TASL: variants seen among roughly 807,000 people sequenced by gnomAD.
TASL encodes TLR adapter interacting with SLC15A4 on the lysosome.
In TASL, 6 loss-of-function variants were observed where a neutral mutation model predicts 12.9. That is an observed-to-expected ratio of 0.46 (90% CI 0.25 to 0.92). TASL has a LOEUF of 0.92. Among genes scored for constraint, TASL ranks in the 40% least tolerant of loss-of-function variants. The pLI, the probability that TASL is intolerant of heterozygous loss-of-function variation, is 0.17. For synonymous variants in TASL, 85 were observed against 79.3 expected, an observed-to-expected ratio of 1.07 and a Z score of -0.38; for missense variants, 165 against 212.8, an observed-to-expected ratio of 0.78 and a Z score of 1.40.
At chrX:30,568,335 G>A (rs1387713842) in intron 2 of TASL, among the ~76,000 whole-genome samples, 2 of 111,515 alleles carry the variant, frequency 1.8e-5, no homozygotes, top group Non-Finnish European at 3.8e-5. Context: ...TATTCTAAGG[G>A]TGAAGAAGAG....
intron 2 of TASL, among the ~76,000 whole-genome samples, chrX:30,563,433 A>C (rs1930456597): frequency 8.9e-6 from 1 of 112,537 alleles, no homozygotes; most frequent in African/African-American, 3.2e-5. Context: ...GCGAAGAGCC[A>C]ATCTGACTTA....
At chrX:30,569,974 C>T (rs1225810841) in intron 2 of TASL, among the ~76,000 whole-genome samples, 6 of 108,385 alleles carry the variant, frequency 5.5e-5, no homozygotes, top group East Asian at 2.9e-4. Flanking sequence ...GCCCAGATAG[C>T]GCCACTGCAC....
At chrX:30,574,651 A>G (rs1930681928) in intron 2 of TASL, among the ~76,000 whole-genome samples, 1 of 112,121 alleles carries the variant, frequency 8.9e-6, no homozygotes, top group South Asian at 3.7e-4. Context: ...ACAGACAGGA[A>G]AACATTTGTG....
chrX:30,559,858 C>T lies in TASL; in HGVS notation c.498G>A (p.Glu166=). The T allele has an allele frequency of 1.7e-6, 2 of 1,211,343 alleles. No individual in the cohort carries two copies. The highest frequency in any genetic ancestry group is 2.2e-6 in the Non-Finnish European group (2 of 895,324). Residue 166 remains glutamate, a synonymous_variant, in exon 3 of 3, where the codon GAG becomes GAA. Coordinates refer to ENST00000378962, the MANE Select transcript of TASL (RefSeq NM_025159.3). ...CACTGGGCTGAGTAGAAATGGAATC[C>T]TCCATGGGTAAAGGAATCTCAGATG... ...LKSSEIPLPM[E]DSISTQPSDF...
chrX:30,559,837 G>A lies in TASL; in HGVS notation c.519C>T (p.Pro173=), dbSNP rs1317187850. The A allele has an allele frequency of 1.7e-6, 2 of 1,208,968 alleles. No individual in the cohort carries two copies. Among genetic ancestry groups the A allele is most frequent in the African/African-American group, 3.5e-5 (2 of 57,112 alleles). ...GGATAGGTTTTTGGGGAAAGTCACT[G>A]GGCTGAGTAGAAATGGAATCCTCCA... ...LPMEDSISTQ[P]SDFPQKPIQR... The change falls in exon 3 of 3, where the codon CCC becomes CCT. Residue 173 remains proline (P), a synonymous_variant. Coordinates refer to ENST00000378962, the MANE Select transcript of TASL (RefSeq NM_025159.3).
Position 30,559,430 on chromosome X carries a change from C to G in TASL, c.*20G>C. The G allele has an allele frequency of 9.1e-7, 1 of 1,096,211 alleles. No individual in the cohort carries two copies. Among genetic ancestry groups the G allele is most frequent in the Non-Finnish European group, 1.2e-6 (1 of 815,742 alleles). 90.3% of individuals were successfully genotyped at this position (1,096,211 alleles called of 1,213,427 possible). A position where few individuals can be genotyped will look rare whatever the true frequency, so the allele number is the denominator to read the frequency against. On this transcript the variant is annotated 3_prime_UTR_variant, in exon 3 of 3. Transcript: ENST00000378962. ...GCTTCATGTTTAAGTAAATGCGAGA[C>G]AGTAATGGAAGCATCCTCTCTATGG...
At chrX:30,571,211 G>T (rs866304465) in intron 2 of TASL, among the ~76,000 whole-genome samples, 1 of 63,805 alleles carries the variant, frequency 1.6e-5, no homozygotes, top group Non-Finnish European at 2.9e-5. Flanking sequence ...AAAGAAAGAA[G>T]GAAAGAAGGA....
chrX:30,572,192 C>T (rs1930637745), intron 2 of TASL, among the ~76,000 whole-genome samples: 1 of 111,829 alleles, frequency 8.9e-6, no homozygotes, highest in Non-Finnish European at 1.9e-5. Context: ...AAATTCACAA[C>T]TTAGAAATAT....
At chrX:30,569,454 G>A (rs1274189709) in intron 2 of TASL, among the ~76,000 whole-genome samples, 1 of 111,782 alleles carries the variant, frequency 8.9e-6, no homozygotes, top group Non-Finnish European at 1.9e-5. Context: ...CCTGACAAGA[G>A]ATAGACTGTC....
At chrX:30,563,569 T>A (rs756925247) in intron 2 of TASL, among the ~76,000 whole-genome samples, 13 of 111,746 alleles carry the variant, frequency 1.2e-4, no homozygotes, top group African/African-American at 4.2e-4. Context: ...CCAGATCATC[T>A]TTCACACCTG....
At chrX:30,564,192 C>A (rs945913465) in intron 2 of TASL, among the ~76,000 whole-genome samples, 1 of 111,058 alleles carries the variant, frequency 9.0e-6, no homozygotes, top group Non-Finnish European at 1.9e-5. Context: ...AATTTTAAAC[C>A]TCAATGGAAG....
At chrX:30,567,278 G>GAAAA (rs5901953) in intron 2 of TASL, among the ~76,000 whole-genome samples, 3 of 85,242 alleles carry the variant, frequency 3.5e-5, no homozygotes, top group Admixed American at 1.3e-4. Flanking sequence ...CATGTCTCAA[G>GAAAA]AAAAAAAAAA....
At chrX:30,564,021 C>T (rs180903458) in intron 2 of TASL, among the ~76,000 whole-genome samples, 407 of 111,344 alleles carry the variant, frequency 3.7e-3, no homozygotes, top group African/African-American at 0.013. Flanking sequence ...TGAGAAACAT[C>T]AAAATAGTCA....
chrX:30,560,048 C>T lies in TASL; in HGVS notation c.308G>A (p.Cys103Tyr). 8.3e-7 allele frequency: 1 copy of T among 1,211,646 alleles called. No homozygotes were observed. The highest frequency in any genetic ancestry group is 1.1e-6 in the Non-Finnish European group (1 of 895,347). ...ESPNLAAVEI[C>Y]RDASRETYLV... ...GTAGGTCTCTCTGCTGGCATCTCTA[C>T]ATATTTCAACTGCAGCCAAGTTTGG... Residue 103 changes from cysteine (C) to tyrosine (Y), a missense_variant, in exon 3 of 3, where the codon TGT becomes TAT. Coordinates refer to ENST00000378962, the MANE Select transcript of TASL (RefSeq NM_025159.3).
intron 2 of TASL, among the ~76,000 whole-genome samples, chrX:30,562,903 C>T (rs1158067576): frequency 2.0e-5 from 2 of 101,987 alleles, no homozygotes; most frequent in Non-Finnish European, 4.0e-5. Flanking sequence ...ATAATACACA[C>T]ACACACACAC....
At chrX:30,571,717 G>A (rs6631110) in intron 2 of TASL, among the ~76,000 whole-genome samples, 11,797 of 110,537 alleles carry the variant, frequency 0.11, 469 homozygotes, top group South Asian at 0.15. Flanking sequence ...TCAAATTTTA[G>A]AGTAGAGACA....
At chrX:30,560,532 A>G (rs898851385) in intron 2 of TASL, among the ~76,000 whole-genome samples, 176 bp from the exon 3 acceptor site, 3 of 111,651 alleles carry the variant, frequency 2.7e-5, no homozygotes, top group African/African-American at 9.8e-5. Flanking sequence ...TAAGGATATA[A>G]AAATGAAAAG....
At chrX:30,569,924 T>C (rs772540278) in intron 2 of TASL, among the ~76,000 whole-genome samples, 1 of 108,899 alleles carries the variant, frequency 9.2e-6, no homozygotes, top group Non-Finnish European at 1.9e-5. Context: ...GGCAGGAGAA[T>C]CACTTGAACC....
At chrX:30,562,927 C>A (rs202156712) in intron 2 of TASL, among the ~76,000 whole-genome samples, 1 of 97,361 alleles carries the variant, frequency 1.0e-5, no homozygotes, top group Non-Finnish European at 2.1e-5. Flanking sequence ...CACACACACA[C>A]ACAAATACAC....
Sources: allele counts gnomAD v4.1 joint callset (sites outside exome capture counted in the v4.1 genomes callset), GRCh38; gene constraint gnomAD v4.1.1; transcripts MANE v1.5; gene names NCBI Gene and HGNC (gene_info 2026-07-23, HGNC 2026-07-21).